The following ACER3 variants were observed in gnomAD, a reference collection of about 807,000 sequenced individuals.
ACER3 encodes alkCDase 3.
In ACER3, 16 loss-of-function variants were observed where a neutral mutation model predicts 48.9. That is an observed-to-expected ratio of 0.33 (90% confidence interval 0.22 to 0.50). The LOEUF is 0.50. Ranked by LOEUF, ACER3 falls within the 20% of genes least tolerant of loss-of-function variation. ACER3 has a pLI of 0.98. For synonymous variants in ACER3, 109 were observed against 107.8 expected (o/e 1.01, Z -0.07); for missense variants, 227 against 326.0 (o/e 0.70, Z 2.34).
rs947396518 is a variant in ACER3 at position 76,988,506 on chromosome 11, C to T, written c.403-2033C>T. ...GGTGGCAGGAGAAAGAAGTGCAGAG[C>T]GAAGGGGGAAGAAGCTCCTTATAAA... On this transcript the variant is annotated intron_variant, in intron 5 of 10. Transcript: ENST00000532485. Among the ~76,000 whole-genome samples the T allele has an allele frequency of 9.2e-5, 14 of 152,064 alleles. No homozygotes were observed. In the South Asian group the frequency reaches 1.2e-3, roughly 14 times the overall value.
intron 3 of ACER3, 161 bp downstream of exon 3, chr11:76,959,192 AATAAGCAGGTGAGTCC>A (rs1947920501): frequency 6.6e-7 from 1 of 1,514,444 alleles, no homozygotes; most frequent in East Asian, 2.5e-5. Context: ...GAAGTAAAGA[AATAAGCAGGTGAGTCC>A]ATAAGGAAAA....
Position 76,915,200 on chromosome 11 carries a change from AAAAT to A in ACER3, c.104-11346_104-11343del, listed in dbSNP as rs889882722. Reference sequence around the variant, plus strand: ...CTTAAAGTATAATTTAAAAAAAGGAAAAATAAATAAATAAGTTAAAAAAAAAAGA... The same window carrying A: ...CTTAAAGTATAATTTAAAAAAAGGAAAAATAAATAAGTTAAAAAAAAAAGA... On this transcript the variant is annotated intron_variant, in intron 1 of 10. Coordinates refer to ENST00000532485, the MANE Select transcript of ACER3 (RefSeq NM_018367.7). Among the ~76,000 whole-genome samples the A allele has an allele frequency of 5.3e-5, 8 of 151,998 alleles. No homozygotes were observed. The South Asian group carries it at 6.3e-4, about 12-fold the overall frequency.
rs1948775537 is a variant in ACER3, at chr11:76,990,447, G to C, written c.403-92G>C. 50 of 904,262 alleles carry C rather than the reference G, an allele frequency of 5.5e-5. No homozygotes were observed. The South Asian group carries it at 6.6e-4, about 12-fold the overall frequency. 56.0% of individuals were successfully genotyped at this position (904,262 alleles called of 1,614,324 possible). A position where few individuals can be genotyped will look rare whatever the true frequency, so the allele number is the denominator to read the frequency against. On this transcript the variant is annotated intron_variant, in intron 5 of 10. Coordinates refer to ENST00000532485, the MANE Select transcript of ACER3 (RefSeq NM_018367.7). Reference sequence around the variant, plus strand: ...AGTCTGAGTAAGATGGGGGAAGCAGGAGAGGTTTGGGATTTGCAGAGTAAT... The same window carrying C: ...AGTCTGAGTAAGATGGGGGAAGCAGCAGAGGTTTGGGATTTGCAGAGTAAT...
chr11:76,926,651 T>C lies in ACER3; in HGVS notation c.198T>C (p.Ser66=), dbSNP rs748538912. Residue 66 remains serine (S), a synonymous_variant, in exon 2 of 11, where the codon TCT becomes TCC. Coordinates refer to ENST00000532485, the MANE Select transcript of ACER3 (RefSeq NM_018367.7). ...GTCTGGAAAAGCGGTACATTGCTTC[T>C]TATTTAGCACTCACAGGTATGTATA... ...RDGLEKRYIA[S]YLALTVVGMG... is the part of the protein sequence containing the mutation. The C allele has an allele frequency of 1.3e-6, 2 of 1,588,498 alleles. No individual in the cohort carries two copies. The highest frequency in any genetic ancestry group is 1.7e-6 in the Non-Finnish European group (2 of 1,156,554).
chr11:76,997,710 C>T (rs755898535), intron 6 of ACER3, among the ~76,000 whole-genome samples: 3 of 152,202 alleles, frequency 2.0e-5, no homozygotes, highest in South Asian at 2.1e-4. Flanking sequence ...TGGTTACGCA[C>T]ACCTCTAGTC....
intron 3 of ACER3, among the ~76,000 whole-genome samples, chr11:76,961,560 A>T (rs969098838): frequency 6.6e-6 from 1 of 151,698 alleles, no homozygotes; most frequent in Non-Finnish European, 1.5e-5. Context: ...AGAAAAAAAA[A>T]AAAGGACAAT....
chr11:76,887,975 A>G (rs1020799317), intron 1 of ACER3, among the ~76,000 whole-genome samples: 3 of 151,846 alleles, frequency 2.0e-5, no homozygotes, highest in Non-Finnish European at 4.4e-5. Context: ...ATGCCACCAC[A>G]CCTGGCTAGT....
chr11:76,944,222 G>T (rs1312115475), intron 2 of ACER3, among the ~76,000 whole-genome samples: 1 of 151,850 alleles, frequency 6.6e-6, no homozygotes, highest in Non-Finnish European at 1.5e-5. Flanking sequence ...TTGTCTTTTT[G>T]TCTTTGTGGT....
At chr11:76,880,288 A>G (rs1049325813) in intron 1 of ACER3, among the ~76,000 whole-genome samples, 1 of 152,244 alleles carries the variant, frequency 6.6e-6, no homozygotes, top group Non-Finnish European at 1.5e-5. Flanking sequence ...TTAAAGTTGT[A>G]AATTTTCCTC....
intron 2 of ACER3, among the ~76,000 whole-genome samples, chr11:76,953,191 T>C (rs1947731259): frequency 6.6e-6 from 1 of 152,096 alleles, no homozygotes; most frequent in Admixed American, 6.6e-5. Context: ...ATTATGAAGC[T>C]CCATGTATGC....
At chr11:76,959,413 C>T (rs536213550) in intron 3 of ACER3, among the ~76,000 whole-genome samples, 1 of 152,250 alleles carries the variant, frequency 6.6e-6, no homozygotes, top group African/African-American at 2.4e-5. Flanking sequence ...CTGAGTCCCT[C>T]TATGTAGCAA....
At chr11:76,972,973 A>G (rs1001987095) in intron 3 of ACER3, among the ~76,000 whole-genome samples, 4 of 152,234 alleles carry the variant, frequency 2.6e-5, no homozygotes, top group Non-Finnish European at 5.9e-5. Flanking sequence ...GATGGTTCCT[A>G]TACCCATCTG....
rs1441409286 is a variant in ACER3, at chr11:76,994,322, G to T, written c.438+3748G>T. The stretch of plus-strand genomic sequence containing the variant: ...TTTTTGTATTTTTAGTAGAAACGGG[G>T]TATCGCCATGTTGGCCAGGCTGGTC... On this transcript the variant is annotated intron_variant, in intron 6 of 10. Coordinates refer to ENST00000532485, the MANE Select transcript of ACER3 (RefSeq NM_018367.7). The T allele has an allele frequency of 1.6e-5, 6 of 369,338 alleles. No individual in the cohort carries two copies. The East Asian group carries it at 4.6e-4, about 28-fold the overall frequency. The allele number at this position is 369,338 out of a possible 1,614,324, so 22.9% of individuals were successfully genotyped here. A position where few individuals can be genotyped will look rare whatever the true frequency, so the allele number is the denominator to read the frequency against.
intron 7 of ACER3, among the ~76,000 whole-genome samples, chr11:76,999,498 C>T (rs1948985520): frequency 6.6e-6 from 1 of 151,684 alleles, no homozygotes; most frequent in African/African-American, 2.4e-5. Context: ...TAACATCTTA[C>T]AAAACTATAT....
chr11:76,875,107 CTTTTTTT>C (rs10676364), intron 1 of ACER3, among the ~76,000 whole-genome samples: 1,569 of 78,158 alleles, frequency 0.02, 37 homozygotes, highest in Middle Eastern at 0.048. Context: ...AAAAGCACTT[CTTTTTTT>C]TTTTTTTTTT....
In ACER3 at chr11:77,020,405, A is replaced by G. The variant is rs533120281; in HGVS notation, c.*78A>G. 2.5e-5 allele frequency: 37 copies of G among 1,495,968 alleles called. No individual in the cohort carries two copies. The highest frequency in any genetic ancestry group is 4.6e-5 in the East Asian group (2 of 43,848). The allele number at this position is 1,495,968 out of a possible 1,614,324, so 92.7% of individuals were successfully genotyped here. ...TAAATAAGGAAATCCTTAAAGATCT[A>G]CAAGTTCAAATATGTCATGACCATC... On this transcript the variant is annotated 3_prime_UTR_variant, in exon 11 of 11. Coordinates refer to ENST00000532485, the MANE Select transcript of ACER3 (RefSeq NM_018367.7).
intron 7 of ACER3, among the ~76,000 whole-genome samples, chr11:77,013,616 T>C (rs546339273): frequency 3.3e-5 from 5 of 152,302 alleles, no homozygotes; most frequent in African/African-American, 1.2e-4. Flanking sequence ...GGAACACTTA[T>C]ACATGCCTGG....
Position 76,976,272 on chromosome 11 carries a change from A to T in ACER3, c.268-17A>T, listed in dbSNP as rs774293452. The T allele has an allele frequency of 5.0e-6, 8 of 1,589,362 alleles. No individual in the cohort carries two copies. The highest frequency in any genetic ancestry group is 6.9e-6 in the Non-Finnish European group (8 of 1,161,118). On this transcript the variant is annotated splice_polypyrimidine_tract_variant and intron_variant, in intron 3 of 10. Transcript: ENST00000532485. ...TCCATGATATTCAAGCCTGTTATCTATCTTTGTTTCTTACAGCTATTGGAT... is the reference window on the plus strand; with the variant it reads ...TCCATGATATTCAAGCCTGTTATCTTTCTTTGTTTCTTACAGCTATTGGAT...
intron 1 of ACER3, among the ~76,000 whole-genome samples, chr11:76,913,297 C>T (rs1017645365): frequency 6.6e-6 from 1 of 152,090 alleles, no homozygotes; most frequent in Non-Finnish European, 1.5e-5. Context: ...TCTAGATATA[C>T]AATCACGTCA....
Sources: allele counts gnomAD v4.1 joint callset (sites outside exome capture counted in the v4.1 genomes callset), GRCh38; gene constraint gnomAD v4.1.1; transcripts MANE v1.5; gene names NCBI Gene and HGNC (gene_info 2026-07-23, HGNC 2026-07-21).